MPP2: variants seen among roughly 807,000 people sequenced by gnomAD.
MPP2 encodes MAGUK p55 subfamily member 2.
In MPP2, 42 loss-of-function variants were observed where a neutral mutation model predicts 58.5. The observed-to-expected ratio is 0.72, with a 90% confidence interval of 0.56 to 0.93. The LOEUF is 0.93. Ranked by LOEUF, MPP2 falls within the 40% of genes least tolerant of loss-of-function variation. The pLI, the probability that MPP2 is intolerant of heterozygous loss-of-function variation, is 0.00. For missense variants in MPP2, 632 were observed against 760.4 expected, an observed-to-expected ratio of 0.83 and a Z score of 1.99; for synonymous variants, 300 against 307.8, an observed-to-expected ratio of 0.97 and a Z score of 0.26.
Position 43,879,294 on chromosome 17 carries a change from A to G in MPP2, c.1463T>C (p.Ile488Thr). Reference protein sequence around the residue: ...AMNRAALESGISTKQLTEADL... With the variant: ...AMNRAALESGTSTKQLTEADL... ...CCTCACCGTGAGCTGCTTGGTGGAT[A>G]TTCCACTCTCCAGCGCAGCCCTGTT... is the stretch of plus-strand genomic sequence containing the variant. Residue 488 changes from isoleucine to threonine, a missense_variant, in exon 12 of 13, where the codon ATA (isoleucine) becomes ACA (threonine). Physicochemically the swap from Ile to Thr is moderately conservative, Grantham distance 89. Coordinates refer to ENST00000269095, the MANE Select transcript of MPP2 (RefSeq NM_005374.5). This position sits in a 1 kb window ranked among gnomAD's most constrained non-coding sequence, Gnocchi z 4.1. The G allele has an allele frequency of 6.2e-7, 1 of 1,613,394 alleles. No homozygotes were observed. The highest frequency in any genetic ancestry group is 1.1e-5 in the South Asian group (1 of 91,040).
intron 3 of MPP2, among the ~76,000 whole-genome samples, chr17:43,897,015 C>T (rs1198705068): frequency 1.3e-5 from 2 of 152,094 alleles, no homozygotes; most frequent in Admixed American, 1.3e-4. Context: ...CACCAAGTTC[C>T]ACCAGTTTAC....
In MPP2 at chr17:43,879,563, C is replaced by G. The variant is rs944604337; in HGVS notation, c.1354-160G>C. 2.0e-5 allele frequency among the ~76,000 whole-genome samples: 3 copies of G among 152,022 alleles called. No homozygotes were observed. Among genetic ancestry groups the G allele is most frequent in the African/African-American group, 7.3e-5 (3 of 41,364 alleles). On this transcript the variant is annotated intron_variant, in intron 11 of 12. Coordinates refer to ENST00000269095, the MANE Select transcript of MPP2 (RefSeq NM_005374.5). This position sits in a 1 kb window ranked among gnomAD's most constrained non-coding sequence, Gnocchi z 4.1. Reference sequence around the variant, plus strand: ...CATGAGTCCTGGGACAAATGACAAACAGCTGGCAGGTGGCTGGGGTGACTG... The same window carrying G: ...CATGAGTCCTGGGACAAATGACAAAGAGCTGGCAGGTGGCTGGGGTGACTG...
chr17:43,893,748 C>A (rs1338316352), intron 3 of MPP2, among the ~76,000 whole-genome samples: 1 of 152,162 alleles, frequency 6.6e-6, no homozygotes. Flanking sequence ...CAGTTGCATA[C>A]CAAAACCACC....
At position 43,879,481 on chromosome 17, in the gene MPP2, T is replaced by A; in HGVS notation, c.1354-78A>T. On this transcript the variant is annotated intron_variant, in intron 11 of 12. Coordinates refer to ENST00000269095, the MANE Select transcript of MPP2 (RefSeq NM_005374.5). This position sits in a 1 kb window ranked among gnomAD's most constrained non-coding sequence, Gnocchi z 4.1. The stretch of plus-strand genomic sequence containing the variant: ...ACCAGAGAAAGGCTGTGAGGGTAAC[T>A]GGGGTTGGGGTGAGCACTTGGGAGT... The A allele has an allele frequency of 6.4e-7, 1 of 1,572,212 alleles. No individual in the cohort carries two copies. Among genetic ancestry groups the A allele is most frequent in the Non-Finnish European group, 8.7e-7 (1 of 1,149,740 alleles).
chr17:43,882,151 C>T, intron 6 of MPP2, 133 bp downstream of exon 6: 1 of 838,684 alleles, frequency 1.2e-6, no homozygotes, highest in South Asian at 1.7e-5. Flanking sequence ...GTCAGCTGCC[C>T]CTGGGCTGCA....
intron 1 of MPP2, among the ~76,000 whole-genome samples, chr17:43,905,869 G>A (rs900039414): frequency 3.9e-5 from 6 of 152,116 alleles, no homozygotes; most frequent in Non-Finnish European, 5.9e-5. Flanking sequence ...CAAAAGTGAG[G>A]GGGATGGTTC....
Position 43,882,396 on chromosome 17 carries a change from C to A in MPP2, c.569G>T (p.Gly190Val). The A allele has an allele frequency of 3.7e-6, 6 of 1,611,728 alleles. No homozygotes were observed. The highest frequency in any genetic ancestry group is 5.1e-6 in the Non-Finnish European group (6 of 1,179,982). Residue 190 changes from glycine (G) to valine (V), a missense_variant, in exon 6 of 13, where the codon GGG becomes GTG. Transcript: ENST00000269095. ...GCGGGGGTCACTGCCCACTGGCTGC[C>A]CGTTCACCTCCTTGATGATGTCACC... Reference protein sequence around the residue: ...HVGDIIKEVNGQPVGSDPRAL... With the variant: ...HVGDIIKEVNVQPVGSDPRAL...
intron 1 of MPP2, chr17:43,907,021 G>A (rs1378302075): frequency 1.5e-5 from 4 of 259,918 alleles, no homozygotes; most frequent in African/African-American, 2.3e-5. Flanking sequence ...CCCCTCCCAG[G>A]GAAGATTGTG....
rs1405605727 is a variant in MPP2 at position 43,877,586 on chromosome 17, G to A, written c.*221C>T. On this transcript the variant is annotated 3_prime_UTR_variant, in exon 13 of 13. Coordinates refer to ENST00000269095, the MANE Select transcript of MPP2 (RefSeq NM_005374.5). Reference sequence around the variant, plus strand: ...ATATCTGGTGACCAATGGGCATCAGGAGTGGGCAGCACCTGGGCACAAGGT... The same window carrying A: ...ATATCTGGTGACCAATGGGCATCAGAAGTGGGCAGCACCTGGGCACAAGGT... 7.0e-6 allele frequency: 4 copies of A among 569,690 alleles called. No individual in the cohort carries two copies. Among genetic ancestry groups the A allele is most frequent in the African/African-American group, 5.6e-5 (3 of 53,552 alleles). The allele number at this position is 569,690 out of a possible 1,614,324, so 35.3% of individuals were successfully genotyped here. A position where few individuals can be genotyped will look rare whatever the true frequency, so the allele number is the denominator to read the frequency against.
chr17:43,887,605 G>A (rs758637397), intron 3 of MPP2, among the ~76,000 whole-genome samples: 4 of 151,664 alleles, frequency 2.6e-5, no homozygotes, highest in Non-Finnish European at 4.4e-5. Context: ...AATACACTTT[G>A]ATATCTTTCA....
rs768070525 is a variant in MPP2, at chr17:43,881,121, C to T, written c.957G>A (p.Lys319=). Reference sequence around the variant, plus strand: ...TCTTGGTGGTCAAATACATCATTCGCTTCTTTTTCTTTCCTGAAAGGCTGC... The same window carrying T: ...TCTTGGTGGTCAAATACATCATTCGTTTCTTTTTCTTTCCTGAAAGGCTGC... ...LCGSLSGKKK[K]RMMYLTTKNA... is the part of the protein sequence containing the mutation. The change falls in exon 9 of 13, where the codon AAG becomes AAA. Residue 319 remains lysine (K), a synonymous_variant. Transcript: ENST00000269095. 13 of 1,613,926 alleles carry T rather than the reference C, an allele frequency of 8.1e-6. No homozygotes were observed. In the South Asian group the frequency reaches 1.4e-4, roughly 18 times the overall value.
At chr17:43,886,748 A>C (rs923960583) in intron 3 of MPP2, among the ~76,000 whole-genome samples, 7 of 152,156 alleles carry the variant, frequency 4.6e-5, no homozygotes, top group Non-Finnish European at 8.8e-5. Flanking sequence ...AAACATTTGC[A>C]TGTCTGCCAA....
At chr17:43,903,328 T>C (rs1163158069) in intron 2 of MPP2, among the ~76,000 whole-genome samples, 3 of 151,442 alleles carry the variant, frequency 2.0e-5, no homozygotes, top group Non-Finnish European at 4.4e-5. Context: ...TCTTGTCCCA[T>C]CATCTCATCT....
intron 2 of MPP2, among the ~76,000 whole-genome samples, chr17:43,903,272 T>A (rs2048164889): frequency 2.1e-5 from 1 of 47,782 alleles, no homozygotes; most frequent in African/African-American, 6.8e-5. Context: ...GGAGACTCCA[T>A]CTCAAAAAAA....
intron 3 of MPP2, among the ~76,000 whole-genome samples, chr17:43,892,266 G>A (rs984340626): frequency 1.3e-5 from 2 of 152,262 alleles, no homozygotes; most frequent in African/African-American, 2.4e-5. Context: ...AAGGGAGGGA[G>A]GCCAACAGCT....
intron 2 of MPP2, among the ~76,000 whole-genome samples, chr17:43,900,217 C>T (rs1462980216): frequency 6.6e-6 from 1 of 152,204 alleles, no homozygotes; most frequent in Non-Finnish European, 1.5e-5. Flanking sequence ...CAGAGACCTG[C>T]GAGGCCCTCA....
chr17:43,885,829 G>C (rs570063421), intron 3 of MPP2, among the ~76,000 whole-genome samples: 46 of 152,118 alleles, frequency 3.0e-4, no homozygotes, highest in Non-Finnish European at 4.3e-4. Context: ...CACCACTAAA[G>C]GCCAGGCGCA....
rs2046855188 is a variant in MPP2 at position 43,876,734 on chromosome 17, C to T, written c.*1073G>A. On this transcript the variant is annotated 3_prime_UTR_variant, in exon 13 of 13. Coordinates refer to ENST00000269095, the MANE Select transcript of MPP2 (RefSeq NM_005374.5). Reference sequence around the variant, plus strand: ...GGTGCCGAACATGCACGTGGAACCACAGGTTGTACAGACTACAGTGTAAAT... The same window carrying T: ...GGTGCCGAACATGCACGTGGAACCATAGGTTGTACAGACTACAGTGTAAAT... The T allele has an allele frequency of 6.6e-6, 1 of 152,338 alleles. No individual in the cohort carries two copies. Among genetic ancestry groups the T allele is most frequent in the Non-Finnish European group, 1.5e-5 (1 of 68,108 alleles). 9.4% of individuals were successfully genotyped at this position (152,338 alleles called of 1,614,324 possible).
chr17:43,904,376 G>T, intron 2 of MPP2, 54 bp downstream of exon 2: 1 of 1,583,448 alleles, frequency 6.3e-7, no homozygotes, highest in Non-Finnish European at 8.7e-7. Context: ...CTAAGTCCTC[G>T]CCTGGCACCC....
Sources: allele counts gnomAD v4.1 joint callset (sites outside exome capture counted in the v4.1 genomes callset), GRCh38; gene constraint gnomAD v4.1.1; non-coding constraint Gnocchi (gnomAD v3.1); transcripts MANE v1.5; gene names NCBI Gene and HGNC (gene_info 2026-07-23, HGNC 2026-07-21).